ADGRL3: variants seen among roughly 807,000 people sequenced by gnomAD.
ADGRL3 encodes calcium-independent alpha-latrotoxin receptor 3.
Under a neutral mutation model 153.5 loss-of-function variants are expected in ADGRL3, and 62 were observed. The ratio of observed to expected loss-of-function variants is 0.40; its 90% CI spans 0.33 to 0.50. ADGRL3 has a LOEUF of 0.50. ADGRL3 is among the 20% of genes least tolerant of loss of function. ADGRL3 has a pLI of 0.47. For missense variants in ADGRL3, 1,641 were observed against 1,859.4 expected (o/e 0.88, Z 2.16); for synonymous variants, 710 against 672.5 (o/e 1.06, Z -0.86).
chr4:61,368,130 G>A (rs1489064719), intron 1 of ADGRL3, among the ~76,000 whole-genome samples: 1 of 151,496 alleles, frequency 6.6e-6, no homozygotes, highest in African/African-American at 2.4e-5. Context: ...GTAGATTCTG[G>A]ATATTACCCC....
intron 10 of ADGRL3, among the ~76,000 whole-genome samples, chr4:61,894,442 T>G (rs1292844045): frequency 6.6e-6 from 1 of 152,192 alleles, no homozygotes; most frequent in Non-Finnish European, 1.5e-5. Flanking sequence ...GAGAATCCTG[T>G]GATCCTGGAA....
At chr4:61,559,355 A>G (rs1394208428) in intron 4 of ADGRL3, among the ~76,000 whole-genome samples, 3 of 152,150 alleles carry the variant, frequency 2.0e-5, no homozygotes, top group Non-Finnish European at 4.4e-5. Flanking sequence ...ATTTTTGTGG[A>G]TGATTTGAAT....
intron 1 of ADGRL3, among the ~76,000 whole-genome samples, chr4:61,306,779 A>C (rs1200254029): frequency 2.6e-5 from 4 of 152,186 alleles, no homozygotes; most frequent in Non-Finnish European, 4.4e-5. Flanking sequence ...AATTTAGAAC[A>C]TGTCTCTCAC....
intron 25 of ADGRL3, among the ~76,000 whole-genome samples, chr4:62,052,622 T>C (rs28408608): frequency 0.026 from 3,998 of 151,562 alleles, 186 homozygotes; most frequent in African/African-American, 0.093. Flanking sequence ...GTCATTCTTC[T>C]TTCCTGGAAG....
At chr4:61,583,598 G>A (rs1361819082) in intron 4 of ADGRL3, 2 of 511,290 alleles carry the variant, frequency 3.9e-6, no homozygotes, top group Non-Finnish European at 7.8e-6. Context: ...TTCACTAGCT[G>A]TATGTTTGAT....
chr4:61,937,121 A>G (rs2098842335), intron 15 of ADGRL3, among the ~76,000 whole-genome samples: 1 of 152,182 alleles, frequency 6.6e-6, no homozygotes, highest in African/African-American at 2.4e-5. Context: ...TTAGCTTCCT[A>G]AATCGTTTCC....
chr4:61,407,236 C>T (rs543248877), intron 2 of ADGRL3, among the ~76,000 whole-genome samples: 49 of 151,624 alleles, frequency 3.2e-4, no homozygotes, highest in Non-Finnish European at 3.8e-4. Context: ...AGATTGCAGC[C>T]GCATGAAAAA....
intron 25 of ADGRL3, among the ~76,000 whole-genome samples, chr4:62,045,007 A>T (rs917618522): frequency 6.6e-5 from 10 of 152,100 alleles, no homozygotes; most frequent in African/African-American, 2.4e-4. Flanking sequence ...TAATATCTAA[A>T]AGACTTATCT....
At chr4:61,863,013 C>T (rs1225351077) in intron 9 of ADGRL3, among the ~76,000 whole-genome samples, 1 of 152,106 alleles carries the variant, frequency 6.6e-6, no homozygotes, top group African/African-American at 2.4e-5. Flanking sequence ...AGGTGAAAAA[C>T]ATGACTTGGA....
intron 4 of ADGRL3, among the ~76,000 whole-genome samples, chr4:61,564,206 C>G (rs991544883): frequency 3.3e-5 from 5 of 151,584 alleles, no homozygotes; most frequent in African/African-American, 1.2e-4. Context: ...TTGAAACTTT[C>G]TCTCAACAAT....
At chr4:61,681,456 T>C (rs772506848) in intron 6 of ADGRL3, among the ~76,000 whole-genome samples, 2 of 152,106 alleles carry the variant, frequency 1.3e-5, no homozygotes, top group Non-Finnish European at 2.9e-5. Flanking sequence ...GTGAATTTTC[T>C]AAGAAAATTG....
intron 4 of ADGRL3, among the ~76,000 whole-genome samples, chr4:61,535,599 C>T (rs4860095): frequency 0.21 from 32,363 of 151,736 alleles, 3,683 homozygotes; most frequent in Admixed American, 0.31. Context: ...TTTTTTACTA[C>T]TGATTCATTT....
intron 9 of ADGRL3, among the ~76,000 whole-genome samples, chr4:61,819,301 C>T (rs1289079656): frequency 1.3e-5 from 2 of 152,010 alleles, no homozygotes; most frequent in African/African-American, 2.4e-5. Flanking sequence ...ATTCTATCTC[C>T]AGTAATTTTT....
intron 4 of ADGRL3, among the ~76,000 whole-genome samples, chr4:61,544,689 T>A (rs1420122513): frequency 6.6e-6 from 1 of 152,194 alleles, no homozygotes; most frequent in Non-Finnish European, 1.5e-5. Context: ...AATTTGAAGT[T>A]TTTATATTTT....
intron 21 of ADGRL3, among the ~76,000 whole-genome samples, chr4:62,014,441 A>C (rs1274218879): frequency 2.0e-5 from 3 of 152,194 alleles, no homozygotes; most frequent in African/African-American, 4.8e-5. Flanking sequence ...TAGTTGGTCT[A>C]GGAAGTATAC....
At chr4:62,002,059 A>G (rs1453409927) in intron 21 of ADGRL3, among the ~76,000 whole-genome samples, 2 of 151,922 alleles carry the variant, frequency 1.3e-5, no homozygotes, top group Non-Finnish European at 2.9e-5. Context: ...TTAAGCCACT[A>G]TCATCTTCAG....
At chr4:61,350,275 G>A (rs2096013947) in intron 1 of ADGRL3, among the ~76,000 whole-genome samples, 1 of 150,832 alleles carries the variant, frequency 6.6e-6, no homozygotes, top group African/African-American at 2.4e-5. Flanking sequence ...CTGTACAGAG[G>A]AATAGTTATG....
At chr4:61,932,708 C>G (rs1442114322) in intron 13 of ADGRL3, among the ~76,000 whole-genome samples, 2 of 152,028 alleles carry the variant, frequency 1.3e-5, no homozygotes, top group African/African-American at 4.8e-5. Context: ...AGTGTCCCCT[C>G]CTCTTATATT....
chr4:61,763,353 ATT>A (rs537127320), intron 8 of ADGRL3, among the ~76,000 whole-genome samples: 3 of 142,484 alleles, frequency 2.1e-5, no homozygotes, highest in African/African-American at 2.6e-5. Flanking sequence ...ATGTCCAGCT[ATT>A]TTTTTTTTTT....
Sources: allele counts gnomAD v4.1 joint callset (sites outside exome capture counted in the v4.1 genomes callset), GRCh38; gene constraint gnomAD v4.1.1; transcripts MANE v1.5; gene names NCBI Gene and HGNC (gene_info 2026-07-23, HGNC 2026-07-21).